ADAM22: variants seen among roughly 807,000 people sequenced by gnomAD.
ADAM22 encodes the protein ADAM metallopeptidase domain 22.
In ADAM22, 65 loss-of-function variants were observed where a neutral mutation model predicts 144.6. That is an observed-to-expected ratio of 0.45 (90% CI 0.37 to 0.55). ADAM22 has a LOEUF of 0.55. ADAM22 is among the 20% of genes least tolerant of loss of function. ADAM22 has a pLI of 0.00. For synonymous variants in ADAM22, 391 were observed against 412.6 expected (o/e 0.95, Z 0.63); for missense variants, 974 against 1,184.9 (o/e 0.82, Z 2.61).
At chr7:88,005,632 G>T (rs1459709778) in intron 3 of ADAM22, among the ~76,000 whole-genome samples, 1 of 152,048 alleles carries the variant, frequency 6.6e-6, no homozygotes, top group African/African-American at 2.4e-5. Context: ...GTGGATGAAG[G>T]GATTGGGCAG....
chr7:88,182,113 T>A (rs1050298825), intron 29 of ADAM22, 89 bp downstream of exon 29: 1 of 1,164,496 alleles, frequency 8.6e-7, no homozygotes, highest in Non-Finnish European at 1.2e-6. Context: ...CAAAGAACTG[T>A]AAACCATGTC....
intron 7 of ADAM22, among the ~76,000 whole-genome samples, chr7:88,123,414 G>A (rs1208620553): frequency 1.3e-5 from 2 of 151,934 alleles, no homozygotes; most frequent in African/African-American, 4.8e-5. Context: ...AAGAATTAAA[G>A]TTATTTAATA....
At chr7:88,101,447 A>G (rs902346417) in intron 4 of ADAM22, among the ~76,000 whole-genome samples, 2 of 152,112 alleles carry the variant, frequency 1.3e-5, no homozygotes, top group Non-Finnish European at 2.9e-5. Flanking sequence ...AGCATGACCA[A>G]ACCATTCCTA....
chr7:87,994,677 G>A lies in ADAM22; in HGVS notation c.323+16265G>A, dbSNP rs17150089. ...AGCTCAGATTATAACAGACAACAAA[G>A]CTTAATAGAGGTCACAGAAACTTCC... On this transcript the variant is annotated intron_variant, in intron 3 of 31. Transcript: ENST00000413139. Among the ~76,000 whole-genome samples the A allele has an allele frequency of 5.5e-3, 843 of 151,988 alleles. 30 individuals are homozygous for A. In the East Asian group the frequency reaches 0.092, roughly 17 times the overall value.
At chr7:87,982,697 A>ATATATATT (rs1554373713) in intron 3 of ADAM22, among the ~76,000 whole-genome samples, 3 of 78,868 alleles carry the variant, frequency 3.8e-5, no homozygotes, top group Non-Finnish European at 7.5e-5. Context: ...ATATATATAT[A>ATATATATT]TAATTTTTTT....
intron 3 of ADAM22, among the ~76,000 whole-genome samples, chr7:87,981,184 A>G (rs112406053): frequency 5.5e-4 from 84 of 152,252 alleles, no homozygotes; most frequent in African/African-American, 2.0e-3. Flanking sequence ...AACCACACAT[A>G]GTCCCCCAAC....
At chr7:88,042,419 A>G (rs1215841673) in intron 3 of ADAM22, among the ~76,000 whole-genome samples, 2 of 119,960 alleles carry the variant, frequency 1.7e-5, no homozygotes, top group Non-Finnish European at 3.9e-5. Flanking sequence ...ACTGACACTT[A>G]AAGACTTAAC....
Position 88,168,158 on chromosome 7 carries a change from T to A in ADAM22, c.2213T>A (p.Ile738Lys). The A allele has an allele frequency of 6.2e-7, 1 of 1,613,308 alleles. No homozygotes were observed. The highest frequency in any genetic ancestry group is 8.5e-7 in the Non-Finnish European group (1 of 1,179,518). Residue 738 changes from isoleucine to lysine, a missense_variant, in exon 25 of 32, where the codon ATA (isoleucine) becomes AAA (lysine). Ile to Lys is a moderately radical substitution (Grantham distance 102). This residue lies in a region of ADAM22 where 734 missense variants were observed against 950.6 expected (regional missense o/e 0.77). Coordinates refer to ENST00000413139, the MANE Select transcript of ADAM22 (RefSeq NM_001324418.2). ...SGNGVAGTNI[I>K]IGIIAGTILV... Reference sequence around the variant, plus strand: ...TCAGGTGTTGCTGGCACCAATATCATAATAGGCATAATTGCTGGCACCATT... The same window carrying A: ...TCAGGTGTTGCTGGCACCAATATCAAAATAGGCATAATTGCTGGCACCATT...
intron 3 of ADAM22, among the ~76,000 whole-genome samples, chr7:88,021,617 A>G (rs1450520013): frequency 1.3e-5 from 2 of 152,230 alleles, no homozygotes; most frequent in African/African-American, 2.4e-5. Context: ...ACAAGTAATT[A>G]TAGCATTTTT....
In ADAM22 at chr7:87,934,317, G is replaced by C. The variant is rs1054529041; in HGVS notation, c.-149G>C. On this transcript the variant is annotated 5_prime_UTR_variant, in exon 1 of 32. Transcript: ENST00000413139. Reference sequence around the variant, plus strand: ...CAATGCAGCACTGAGCCGCGGTGGAGGTTGCAGCGCCACGGCCGCCGCAGC... The same window carrying C: ...CAATGCAGCACTGAGCCGCGGTGGACGTTGCAGCGCCACGGCCGCCGCAGC... The C allele has an allele frequency of 6.0e-4, 384 of 644,722 alleles. No individual in the cohort carries two copies. The highest frequency in any genetic ancestry group is 8.1e-4 in the Non-Finnish European group (323 of 396,828). The allele number at this position is 644,722 out of a possible 1,614,324, so 39.9% of individuals were successfully genotyped here.
At chr7:88,186,291 G>A (rs1218011282) in intron 29 of ADAM22, 1 of 255,944 alleles carries the variant, frequency 3.9e-6, no homozygotes, top group African/African-American at 2.3e-5. Context: ...CCTGGAAAAA[G>A]CCACTTTAGA....
chr7:88,163,104 G>C lies in ADAM22; in HGVS notation c.2000G>C (p.Arg667Thr), dbSNP rs368308668. 4 of 1,612,204 alleles carry C rather than the reference G, an allele frequency of 2.5e-6. No homozygotes were observed. Among genetic ancestry groups the C allele is most frequent in the Non-Finnish European group, 3.4e-6 (4 of 1,179,070 alleles). ...CGPQMMCLEH[R>T]CLPVASFNFS... is the part of the protein sequence containing the mutation. Reference sequence around the variant, plus strand: ...CCCCAAATGATGTGCTTAGAACACAGGTGTCTTCCTGTGGCTTCTTTCAAC... The same window carrying C: ...CCCCAAATGATGTGCTTAGAACACACGTGTCTTCCTGTGGCTTCTTTCAAC... The change falls in exon 23 of 32, where the codon AGG (arginine) becomes ACG (threonine). Residue 667 changes from arginine (R) to threonine (T), a missense_variant. Arg to Thr is a moderately conservative substitution (Grantham distance 71). Around this residue, in one of 2 missense-constraint regions of ADAM22, gnomAD observed 734 missense variants for 950.6 expected, o/e 0.77. Coordinates refer to ENST00000413139, the MANE Select transcript of ADAM22 (RefSeq NM_001324418.2).
chr7:88,142,716 T>C (rs551140896), intron 14 of ADAM22, among the ~76,000 whole-genome samples: 100 of 151,920 alleles, frequency 6.6e-4, no homozygotes, highest in Middle Eastern at 6.8e-3. Context: ...CGGGCGCCTG[T>C]AGTCCCAGCT....
intron 22 of ADAM22, among the ~76,000 whole-genome samples, chr7:88,159,298 C>T (rs12704387): frequency 0.14 from 21,787 of 151,994 alleles, 2,817 homozygotes; most frequent in African/African-American, 0.34. Flanking sequence ...CAGGACCAGA[C>T]AGACTCACAG....
At chr7:88,048,324 AC>A (rs1199861014) in intron 3 of ADAM22, among the ~76,000 whole-genome samples, 1 of 152,092 alleles carries the variant, frequency 6.6e-6, no homozygotes, top group Non-Finnish European at 1.5e-5. Flanking sequence ...AATATCCTTC[AC>A]ATATTTTACT....
intron 14 of ADAM22, among the ~76,000 whole-genome samples, chr7:88,140,077 G>A (rs547548768): frequency 3.0e-4 from 45 of 152,238 alleles, no homozygotes; most frequent in Non-Finnish European, 5.3e-4. Context: ...CATGGCAAGA[G>A]AGGGAGCAGG....
At chr7:87,989,726 G>T (rs1789336637) in intron 3 of ADAM22, among the ~76,000 whole-genome samples, 2 of 152,130 alleles carry the variant, frequency 1.3e-5, no homozygotes, top group African/African-American at 4.8e-5. Flanking sequence ...GACCTGCCTG[G>T]CCAACATGGT....
chr7:87,951,462 G>A (rs572929856), intron 2 of ADAM22, among the ~76,000 whole-genome samples: 5 of 91,758 alleles, frequency 5.4e-5, no homozygotes, highest in Non-Finnish European at 6.3e-5. Context: ...GAAATGCAGC[G>A]TTATTTCTGA....
At chr7:88,101,204 A>G (rs1822820635) in intron 4 of ADAM22, among the ~76,000 whole-genome samples, 1 of 108,088 alleles carries the variant, frequency 9.3e-6, no homozygotes, top group African/African-American at 3.6e-5. Context: ...CCCATGTGTT[A>G]CAATATGCTG....
Sources: gnomAD v4.1 joint callset for allele counts (sites outside exome capture counted in the v4.1 genomes callset) on GRCh38, gnomAD v4.1.1 for gene constraint, gnomAD v4.1.1 regional missense constraint, MANE v1.5 for transcripts, NCBI Gene and HGNC (gene_info 2026-07-23, HGNC 2026-07-21) for gene names.